The following AKR1C8 variants were observed in gnomAD, a reference collection of about 807,000 sequenced individuals.
The protein encoded by AKR1C8 is aldo-keto reductase family 1 member C-like protein 1.
chr10:5,124,101 C>T, the AKR1C8 span, among the ~76,000 whole-genome samples: 1 of 152,120 alleles, frequency 6.6e-6, no homozygotes, highest in East Asian at 1.9e-4. Flanking sequence ...ACAGCCAATT[C>T]CAGCTCTGGG....
the AKR1C8 span, among the ~76,000 whole-genome samples, chr10:5,116,417 A>C: frequency 6.6e-6 from 1 of 151,924 alleles, no homozygotes; most frequent in East Asian, 1.9e-4. Flanking sequence ...GATCACTAGG[A>C]GTTATGCTGA....
At chr10:5,138,690 C>A in the AKR1C8 span, among the ~76,000 whole-genome samples, 1 of 152,132 alleles carries the variant, frequency 6.6e-6, no homozygotes, top group Non-Finnish European at 1.5e-5. Context: ...TAAATCTTCA[C>A]AATTTATGTT....
At chr10:5,180,718 C>G in the AKR1C8 span, among the ~76,000 whole-genome samples, 16 of 152,210 alleles carry the variant, frequency 1.1e-4, no homozygotes, top group South Asian at 1.9e-3. Flanking sequence ...GCCTGGCTGT[C>G]GCCTTGCAGT....
At chr10:5,176,099 T>G in the AKR1C8 span, among the ~76,000 whole-genome samples, 1 of 151,998 alleles carries the variant, frequency 6.6e-6, no homozygotes, top group Non-Finnish European at 1.5e-5. Flanking sequence ...TCTAGGGTTT[T>G]TATGGTTTTA....
chr10:5,162,233 CG>C, the AKR1C8 span, among the ~76,000 whole-genome samples: 1 of 152,236 alleles, frequency 6.6e-6, no homozygotes, highest in African/African-American at 2.4e-5. Flanking sequence ...TCAACTTCAA[CG>C]TATCAAGGAT....
At chr10:5,136,103 G>T in the AKR1C8 span, among the ~76,000 whole-genome samples, 1 of 152,132 alleles carries the variant, frequency 6.6e-6, no homozygotes, top group African/African-American at 2.4e-5. Flanking sequence ...ACTATCAAAG[G>T]TAATGTTCCA....
chr10:5,174,815 A>C, the AKR1C8 span, among the ~76,000 whole-genome samples: 1 of 152,176 alleles, frequency 6.6e-6, no homozygotes, highest in South Asian at 2.1e-4. Flanking sequence ...AGACTGTCTT[A>C]AATAAAATAA....
the AKR1C8 span, among the ~76,000 whole-genome samples, chr10:5,122,629 T>G: frequency 6.6e-6 from 1 of 152,054 alleles, no homozygotes; most frequent in African/African-American, 2.4e-5. Context: ...CAAGAGAAAT[T>G]TATTCAAAGG....
At chr10:5,125,328 C>T in the AKR1C8 span, among the ~76,000 whole-genome samples, 1 of 152,060 alleles carries the variant, frequency 6.6e-6, no homozygotes, top group African/African-American at 2.4e-5. Context: ...TTAGATATAA[C>T]AGTTGTACTG....
the AKR1C8 span, among the ~76,000 whole-genome samples, chr10:5,146,628 TATG>T: frequency 6.6e-6 from 1 of 152,180 alleles, no homozygotes; most frequent in South Asian, 2.1e-4. Context: ...TGACTCTATA[TATG>T]ATACTTTTGA....
the AKR1C8 span, among the ~76,000 whole-genome samples, chr10:5,177,716 ATG>A: frequency 1.3e-5 from 2 of 152,112 alleles, no homozygotes; most frequent in Non-Finnish European, 2.9e-5. Context: ...GGGAGGGTGT[ATG>A]TGTCGAGGAA....
chr10:5,133,226 T>C, the AKR1C8 span, among the ~76,000 whole-genome samples: 1 of 152,018 alleles, frequency 6.6e-6, no homozygotes, highest in Admixed American at 6.6e-5. Flanking sequence ...TCTCCCCAAA[T>C]AGCTAGGACC....
chr10:5,160,820 T>C, the AKR1C8 span: 1 of 470,998 alleles, frequency 2.1e-6, no homozygotes, highest in African/African-American at 2.0e-5. Flanking sequence ...ACCTCCCAAG[T>C]GTCACAAAGC....
At chr10:5,139,698 G>A in the AKR1C8 span, among the ~76,000 whole-genome samples, 179 of 151,990 alleles carry the variant, frequency 1.2e-3, no homozygotes, top group East Asian at 0.015. Context: ...CATAAATACC[G>A]TAGAAGAAAA....
the AKR1C8 span, among the ~76,000 whole-genome samples, chr10:5,182,277 A>AT: frequency 1.3e-5 from 2 of 152,208 alleles, no homozygotes; most frequent in African/African-American, 2.4e-5. Context: ...AAAAATGATT[A>AT]TTTTACCAAG....
At chr10:5,139,862 C>G in the AKR1C8 span, among the ~76,000 whole-genome samples, 1 of 152,142 alleles carries the variant, frequency 6.6e-6, no homozygotes, top group African/African-American at 2.4e-5. Flanking sequence ...AACAGGCAAC[C>G]TACAGAATGG....
At chr10:5,137,170 C>A in the AKR1C8 span, among the ~76,000 whole-genome samples, 59,564 of 151,914 alleles carry the variant, frequency 0.39, 12,490 homozygotes, top group Non-Finnish European at 0.43. Flanking sequence ...GAAACTATTC[C>A]CTCACTGGGA....
chr10:5,129,612 CA>C, the AKR1C8 span, among the ~76,000 whole-genome samples: 1 of 151,792 alleles, frequency 6.6e-6, no homozygotes, highest in Non-Finnish European at 1.5e-5. Flanking sequence ...CACAGAAATA[CA>C]AAAAATCATT....
chr10:5,161,257 AG>A, the AKR1C8 span, among the ~76,000 whole-genome samples: 1 of 151,816 alleles, frequency 6.6e-6, no homozygotes, highest in African/African-American at 2.4e-5. Flanking sequence ...GCTGGTGTGG[AG>A]GACAGTGCTT....
Sources: gnomAD v4.1 joint callset for allele counts (sites outside exome capture counted in the v4.1 genomes callset) on GRCh38, gnomAD v4.1.1 for gene constraint, MANE v1.5 for transcripts, NCBI Gene and HGNC (gene_info 2026-07-23, HGNC 2026-07-21) for gene names.